The following SOCS5 variants were observed in gnomAD, a reference collection of about 807,000 sequenced individuals.
SOCS5 encodes the protein CIS-6.
SOCS5 carries 32 observed loss-of-function variants against 42.8 expected under a neutral mutation model. That is an observed-to-expected ratio of 0.75 (90% CI 0.56 to 1.01). SOCS5 has a LOEUF of 1.01. Among genes scored for constraint, SOCS5 ranks in the 50% least tolerant of loss-of-function variants. The pLI, the probability that SOCS5 is intolerant of heterozygous loss-of-function variation, is 0.00. For synonymous variants in SOCS5, 283 were observed against 229.6 expected (o/e 1.23, Z -2.10); for missense variants, 627 against 653.0 (o/e 0.96, Z 0.43).
At chr2:46,729,559 C>T (rs1673069673) in intron 1 of SOCS5, among the ~76,000 whole-genome samples, 1 of 152,128 alleles carries the variant, frequency 6.6e-6, no homozygotes, top group African/African-American at 2.4e-5. Flanking sequence ...ATTTATGTAT[C>T]TAAACATCTA....
Position 46,760,467 on chromosome 2 carries a change from C to A in SOCS5, c.*326C>A. ...AAGAATTCTATTTCTTACTGAAGAACAAATTATTAATATTGGATGAGTATT... is the reference window on the plus strand; with the variant it reads ...AAGAATTCTATTTCTTACTGAAGAAAAAATTATTAATATTGGATGAGTATT... On this transcript the variant is annotated 3_prime_UTR_variant, in exon 2 of 2. Transcript: ENST00000394861. 1 of 228,298 alleles carries A rather than the reference C, an allele frequency of 4.4e-6. No homozygotes were observed. The highest frequency in any genetic ancestry group is 1.3e-4 in the South Asian group (1 of 7,760). 14.1% of individuals were successfully genotyped at this position (228,298 alleles called of 1,614,324 possible).
At chr2:46,719,796 G>T (rs1178283457) in intron 1 of SOCS5, among the ~76,000 whole-genome samples, 6 of 152,104 alleles carry the variant, frequency 3.9e-5, no homozygotes, top group Non-Finnish European at 1.5e-5. Context: ...GTCCTTCAGG[G>T]AAGCATCATT....
chr2:46,754,105 G>T (rs1027752790), intron 1 of SOCS5, among the ~76,000 whole-genome samples: 1 of 152,050 alleles, frequency 6.6e-6, no homozygotes, highest in Non-Finnish European at 1.5e-5. Flanking sequence ...ATTTTTCCCA[G>T]CCCCTATTCA....
chr2:46,723,030 G>C (rs139385264), intron 1 of SOCS5, among the ~76,000 whole-genome samples: 59 of 152,042 alleles, frequency 3.9e-4, no homozygotes, highest in Non-Finnish European at 6.3e-4. Context: ...TGAATTTTGA[G>C]AGTTCCTTAC....
Position 46,758,886 on chromosome 2 carries a change from C to A in SOCS5, c.356C>A (p.Pro119Gln). ...ARRDSYSRHA[P>Q]WGGKKKHSCS... Reference sequence around the variant, plus strand: ...AGAGATTCCTACTCTCGACATGCTCCATGGGGTGGGAAGAAAAAACATTCC... The same window carrying A: ...AGAGATTCCTACTCTCGACATGCTCAATGGGGTGGGAAGAAAAAACATTCC... Residue 119 changes from proline (P) to glutamine (Q), a missense_variant, in exon 2 of 2, where the codon CCA (proline) becomes CAA (glutamine). Physicochemically the swap from Pro to Gln is moderately conservative, Grantham distance 76. Transcript: ENST00000394861. The A allele has an allele frequency of 6.2e-7, 1 of 1,613,962 alleles. No homozygotes were observed. Among genetic ancestry groups the A allele is most frequent in the Non-Finnish European group, 8.5e-7 (1 of 1,179,906 alleles).
chr2:46,744,630 T>C (rs1007973285), intron 1 of SOCS5, among the ~76,000 whole-genome samples: 8 of 151,520 alleles, frequency 5.3e-5, no homozygotes, highest in African/African-American at 1.9e-4. Flanking sequence ...CAGGTTCAAG[T>C]GATTCTCCTG....
At chr2:46,756,139 G>A (rs145592132) in intron 1 of SOCS5, among the ~76,000 whole-genome samples, 2,442 of 152,262 alleles carry the variant, frequency 0.016, 77 homozygotes, top group African/African-American at 0.055. Context: ...AACTATATAA[G>A]GAGATGAGTG....
At chr2:46,727,517 T>G (rs2103721915) in intron 1 of SOCS5, among the ~76,000 whole-genome samples, 1 of 152,342 alleles carries the variant, frequency 6.6e-6, no homozygotes, top group East Asian at 1.9e-4. Flanking sequence ...CAGTTGAGTC[T>G]GTTGGGTTCA....
chr2:46,713,531 G>C (rs1672674089), intron 1 of SOCS5, among the ~76,000 whole-genome samples: 1 of 151,898 alleles, frequency 6.6e-6, no homozygotes, highest in Non-Finnish European at 1.5e-5. Context: ...CTTGAGATTG[G>C]ATGTCTTTTT....
chr2:46,711,471 T>C (rs1308141977), intron 1 of SOCS5, among the ~76,000 whole-genome samples: 1 of 152,234 alleles, frequency 6.6e-6, no homozygotes, highest in Non-Finnish European at 1.5e-5. Context: ...ACCAATTTTA[T>C]GTCATTTTAC....
chr2:46,699,016 C>T (rs373827923), upstream of SOCS5: 2 of 152,608 alleles, frequency 1.3e-5, no homozygotes, highest in East Asian at 3.9e-4. The surrounding 1 kb of genome is among the most constrained non-coding windows in gnomAD (Gnocchi z 4.8). Context: ...GCCCCCGTCT[C>T]GCGCCCTGCC....
rs894967691 is a variant in SOCS5 at position 46,745,158 on chromosome 2, C to G, written c.-12-13361C>G. Among the ~76,000 whole-genome samples the G allele has an allele frequency of 3.9e-5, 6 of 152,156 alleles. No individual in the cohort carries two copies. In the East Asian group the frequency reaches 1.2e-3, roughly 29 times the overall value. ...AAGAATTTTGGGGATATTAATGTAG[C>G]ACTACATCCTTATCAAAGAATATTG... On this transcript the variant is annotated intron_variant, in intron 1 of 1. Coordinates refer to ENST00000394861, the MANE Select transcript of SOCS5 (RefSeq NM_144949.3).
chr2:46,726,068 A>G (rs1338092679), intron 1 of SOCS5, among the ~76,000 whole-genome samples: 3 of 151,460 alleles, frequency 2.0e-5, no homozygotes, highest in East Asian at 1.9e-4. Flanking sequence ...ATGTCTGGGC[A>G]TGGATTTCTT....
intron 1 of SOCS5, among the ~76,000 whole-genome samples, chr2:46,709,218 C>T (rs1672561262): frequency 6.6e-6 from 1 of 152,140 alleles, no homozygotes; most frequent in African/African-American, 2.4e-5. Flanking sequence ...AGCACTTTGC[C>T]TCTTTGCCTC....
chr2:46,731,313 GAGA>G (rs1410413499), intron 1 of SOCS5, among the ~76,000 whole-genome samples: 7 of 152,324 alleles, frequency 4.6e-5, no homozygotes, highest in African/African-American at 1.4e-4. Context: ...AGGTTACAGT[GAGA>G]AGATGGCCAT....
intron 1 of SOCS5, among the ~76,000 whole-genome samples, chr2:46,749,086 A>C (rs961594472): frequency 6.6e-6 from 1 of 152,178 alleles, no homozygotes; most frequent in Non-Finnish European, 1.5e-5. Context: ...AAGCATGATC[A>C]GTAGAGGCAG....
rs147700504 is a variant in SOCS5, at chr2:46,750,326, G to C, written c.-12-8193G>C. Among the ~76,000 whole-genome samples the C allele has an allele frequency of 7.0e-3, 1,065 of 152,180 alleles. 21 individuals carry two copies. Among genetic ancestry groups the C allele is most frequent in the African/African-American group, 0.025 (1,025 of 41,494 alleles). ...GTTAGAATTGTGTGGATAAAACTTA[G>C]GAACTGGAAATGTAAAATTAAATAC... On this transcript the variant is annotated intron_variant, in intron 1 of 1. Coordinates refer to ENST00000394861, the MANE Select transcript of SOCS5 (RefSeq NM_144949.3).
chr2:46,734,192 T>C (rs577718449), intron 1 of SOCS5, among the ~76,000 whole-genome samples: 97 of 152,176 alleles, frequency 6.4e-4, no homozygotes, highest in African/African-American at 2.0e-3. Flanking sequence ...ACACTGGTGG[T>C]TTTTTTTAAT....
chr2:46,761,979 G>A lies in SOCS5; in HGVS notation c.*1838G>A, dbSNP rs568397480. 6.0e-6 allele frequency: 1 copy of A among 167,072 alleles called. No individual in the cohort carries two copies. The highest frequency in any genetic ancestry group is 2.1e-4 in the South Asian group (1 of 4,826). The allele number at this position is 167,072 out of a possible 1,614,324, so 10.3% of individuals were successfully genotyped here. A position where few individuals can be genotyped will look rare whatever the true frequency, so the allele number is the denominator to read the frequency against. Reference sequence around the variant, plus strand: ...TAACCTCCCACTGCATCAGAAGCAGGTTAAATGAAGTCTTGTGAATTTGTA... The same window carrying A: ...TAACCTCCCACTGCATCAGAAGCAGATTAAATGAAGTCTTGTGAATTTGTA... On this transcript the variant is annotated 3_prime_UTR_variant, in exon 2 of 2. Transcript: ENST00000394861.
Sources: gnomAD v4.1 joint callset for allele counts (sites outside exome capture counted in the v4.1 genomes callset) on GRCh38, gnomAD v4.1.1 for gene constraint, Gnocchi (gnomAD v3.1) non-coding constraint, MANE v1.5 for transcripts, NCBI Gene and HGNC (gene_info 2026-07-23, HGNC 2026-07-21) for gene names.